Variants in INPP5A observed in about 807,000 individuals in gnomAD.
INPP5A encodes inositol polyphosphate-5-phosphatase A.
Under a neutral mutation model 65.2 loss-of-function variants are expected in INPP5A, and 14 were observed. That is an observed-to-expected ratio of 0.21 (90% CI 0.14 to 0.34). The LOEUF (loss-of-function observed/expected upper bound fraction) is 0.34, where lower values mean the gene tolerates loss of function less well. INPP5A is among the 10% of genes least tolerant of loss of function. INPP5A has a pLI of 1.00. For missense variants in INPP5A, 431 were observed against 545.6 expected, an observed-to-expected ratio of 0.79 and a Z score of 2.09; for synonymous variants, 207 against 208.3, an observed-to-expected ratio of 0.99 and a Z score of 0.05.
chr10:132,754,982 C>T (rs569161303), intron 11 of INPP5A, among the ~76,000 whole-genome samples: 15 of 151,180 alleles, frequency 9.9e-5, no homozygotes, highest in East Asian at 1.9e-4. Context: ...GGCATGTGTG[C>T]GGACGTGTGT....
At chr10:132,695,085 A>G (rs1845324794) in intron 5 of INPP5A, among the ~76,000 whole-genome samples, 1 of 152,252 alleles carries the variant, frequency 6.6e-6, no homozygotes, top group African/African-American at 2.4e-5. Flanking sequence ...CATTACAAAG[A>G]AGGAAAACTA....
At chr10:132,695,920 A>G (rs1487970734) in intron 5 of INPP5A, among the ~76,000 whole-genome samples, 1 of 152,106 alleles carries the variant, frequency 6.6e-6, no homozygotes, top group Non-Finnish European at 1.5e-5. Context: ...CCCACCCCCA[A>G]ATTCATCTGC....
intron 9 of INPP5A, among the ~76,000 whole-genome samples, chr10:132,730,384 G>C (rs551065112): frequency 2.0e-5 from 3 of 152,240 alleles, no homozygotes; most frequent in African/African-American, 7.2e-5. Flanking sequence ...GCTGGTGGAC[G>C]TGCTGGCCGG....
chr10:132,699,262 C>T lies in INPP5A; in HGVS notation c.474+1343C>T, dbSNP rs111463241. On this transcript the variant is annotated intron_variant, in intron 6 of 15. Transcript: ENST00000368594. ...GGCTGTGGTTCCCCTGGAGAGCCTG[C>T]GAGCTGAACTCTGGCCTCTCTTGAA... Among the ~76,000 whole-genome samples, 674 of 151,206 alleles carry T rather than the reference C, an allele frequency of 4.5e-3. 4 individuals carry two copies. The highest frequency in any genetic ancestry group is 0.016 in the African/African-American group (640 of 41,164).
chr10:132,578,639 G>A (rs943817681), intron 1 of INPP5A, among the ~76,000 whole-genome samples: 3 of 151,962 alleles, frequency 2.0e-5, no homozygotes, highest in African/African-American at 7.3e-5. Flanking sequence ...CCAGGAGAGT[G>A]TGCGGGGGCT....
intron 1 of INPP5A, among the ~76,000 whole-genome samples, chr10:132,561,661 GT>G (rs1214797283): frequency 6.6e-6 from 1 of 150,888 alleles, no homozygotes; most frequent in African/African-American, 2.4e-5. Context: ...ATTCAAGATT[GT>G]TTTGACTATT....
rs1456481964 is a variant in INPP5A, at chr10:132,683,223, C to G, written c.307-7169C>G. 2.0e-5 allele frequency among the ~76,000 whole-genome samples: 3 copies of G among 148,942 alleles called. No homozygotes were observed. The South Asian group carries it at 6.3e-4, about 31-fold the overall frequency. On this transcript the variant is annotated intron_variant, in intron 4 of 15. Transcript: ENST00000368594. Reference sequence around the variant, plus strand: ...ATTATCCTATGTGGAGGGCACGTGTCTGCCGTGACCCAGCAAGGCCATGTG... The same window carrying G: ...ATTATCCTATGTGGAGGGCACGTGTGTGCCGTGACCCAGCAAGGCCATGTG...
At chr10:132,712,825 C>T (rs377423494) in intron 8 of INPP5A, among the ~76,000 whole-genome samples, 8 of 142,420 alleles carry the variant, frequency 5.6e-5, no homozygotes, top group African/African-American at 1.1e-4. Context: ...TGTGGGGCCT[C>T]GTGTGGGTGC....
At chr10:132,775,506 G>C (rs955254923) in intron 12 of INPP5A, among the ~76,000 whole-genome samples, 26 of 152,116 alleles carry the variant, frequency 1.7e-4, no homozygotes, top group African/African-American at 6.3e-4. Flanking sequence ...GCCTTCCCCA[G>C]ACCCAGCTGG....
At chr10:132,767,729 G>T in intron 12 of INPP5A, among the ~76,000 whole-genome samples, 1 of 149,900 alleles carries the variant, frequency 6.7e-6, no homozygotes. Flanking sequence ...CCGACCCTCA[G>T]CGTTCCCAGG....
At chr10:132,558,302 T>C (rs1416179533) in intron 1 of INPP5A, among the ~76,000 whole-genome samples, 2 of 151,882 alleles carry the variant, frequency 1.3e-5, no homozygotes, top group Non-Finnish European at 2.9e-5. Context: ...GCTCTGGGGC[T>C]CTCCCCCCCG....
rs1846768695 is a variant in INPP5A, at chr10:132,763,451, A to G, written c.904-2322A>G. Among the ~76,000 whole-genome samples, 7 of 152,294 alleles carry G rather than the reference A, an allele frequency of 4.6e-5. No individual in the cohort carries two copies. In the South Asian group the frequency reaches 1.4e-3, roughly 31 times the overall value. ...AATGACCTAGAGATGATGCGTGTTT[A>G]TAGGCCTGTGTGTGAATGTATCTGA... On this transcript the variant is annotated intron_variant, in intron 11 of 15. Coordinates refer to ENST00000368594, the MANE Select transcript of INPP5A (RefSeq NM_005539.5).
At chr10:132,775,033 GGGAGGAGGGGGGGCAGGGAGGAGGGAC>G (rs1372275333) in intron 12 of INPP5A, among the ~76,000 whole-genome samples, 2 of 8,570 alleles carry the variant, frequency 2.3e-4, no homozygotes, top group Non-Finnish European at 3.4e-4. Context: ...AGGAGGGGCA[GGGAGGAGGGGGGGCAGGGAGGAGGGAC>G]GGAGGAGAGA....
At chr10:132,686,223 C>T (rs562058269) in intron 4 of INPP5A, among the ~76,000 whole-genome samples, 1 of 152,332 alleles carries the variant, frequency 6.6e-6, no homozygotes, top group East Asian at 1.9e-4. Flanking sequence ...CAGTGGAGGC[C>T]GCTTCCCGGC....
At chr10:132,571,499 A>G (rs2071341459) in intron 1 of INPP5A, among the ~76,000 whole-genome samples, 1 of 152,216 alleles carries the variant, frequency 6.6e-6, no homozygotes. Flanking sequence ...GACCACTGAT[A>G]ATCAAAACCA....
At chr10:132,566,982 A>G (rs1198489613) in intron 1 of INPP5A, among the ~76,000 whole-genome samples, 1 of 152,222 alleles carries the variant, frequency 6.6e-6, no homozygotes, top group Non-Finnish European at 1.5e-5. Context: ...AACTGTTGCT[A>G]ATCTTGAGCT....
chr10:132,595,146 C>T (rs2071668740), intron 1 of INPP5A, among the ~76,000 whole-genome samples: 1 of 152,200 alleles, frequency 6.6e-6, no homozygotes, highest in African/African-American at 2.4e-5. Context: ...GCATGAGGGG[C>T]TCCTGTGACG....
chr10:132,737,750 T>C (rs1351876055), intron 9 of INPP5A, among the ~76,000 whole-genome samples: 1 of 152,256 alleles, frequency 6.6e-6, no homozygotes, highest in Non-Finnish European at 1.5e-5. Flanking sequence ...AAAATAGCAA[T>C]GGCAACAACA....
At position 132,665,387 on chromosome 10, in the gene INPP5A, A is replaced by G. The variant is rs892913621; in HGVS notation, c.306+14882A>G. 1.8e-4 allele frequency among the ~76,000 whole-genome samples: 28 copies of G among 152,374 alleles called. No homozygotes were observed. The Middle Eastern group carries it at 0.01, about 56-fold the overall frequency. ...GTGTCGCTAATTGTTAATTATGACA[A>G]AGGAAAAGTGATATTAAGATTCGGG... On this transcript the variant is annotated intron_variant, in intron 4 of 15. Coordinates refer to ENST00000368594, the MANE Select transcript of INPP5A (RefSeq NM_005539.5).
Sources: gnomAD v4.1 joint callset for allele counts (sites outside exome capture counted in the v4.1 genomes callset) on GRCh38, gnomAD v4.1.1 for gene constraint, MANE v1.5 for transcripts, NCBI Gene and HGNC (gene_info 2026-07-23, HGNC 2026-07-21) for gene names.